DACH2: variants seen among roughly 807,000 people sequenced by gnomAD.
DACH2 encodes dachshund homolog 2.
In DACH2, 17 loss-of-function variants were observed where a neutral mutation model predicts 35.8. The ratio of observed to expected loss-of-function variants is 0.48; its 90% confidence interval spans 0.33 to 0.71. DACH2 has a LOEUF of 0.71. Ranked by LOEUF, DACH2 falls within the 30% of genes least tolerant of loss-of-function variation. DACH2 has a pLI of 0.02. For missense variants in DACH2, 469 were observed against 472.7 expected (o/e 0.99, Z 0.07); for synonymous variants, 195 against 177.3 (o/e 1.10, Z -0.79).
At chrX:86,247,980 A>G (rs149302284) in intron 1 of DACH2, among the ~76,000 whole-genome samples, 1,473 of 111,138 alleles carry the variant, frequency 0.013, 29 homozygotes, top group African/African-American at 0.044. Context: ...GGTTTTCAAT[A>G]AAGTTCAATA....
At position 86,799,612 on chromosome X, in the gene DACH2, A is replaced by T. The variant is rs751225276; in HGVS notation, c.1241-13244A>T. On this transcript the variant is annotated intron_variant, in intron 7 of 11. Transcript: ENST00000373125. ...AGACTTCAGGCTCAAACTACTTTAG[A>T]GCTAATCTGAGAGAGTTCACTTACA... Among the ~76,000 whole-genome samples, 107 of 112,158 alleles carry T rather than the reference A, an allele frequency of 9.5e-4. 2 individuals are homozygous for T. Among genetic ancestry groups the T allele is most frequent in the South Asian group, 1.8e-3 (5 of 2,710 alleles).
intron 1 of DACH2, among the ~76,000 whole-genome samples, chrX:86,183,345 C>T (rs898395391): frequency 3.6e-5 from 4 of 111,228 alleles, no homozygotes; most frequent in African/African-American, 1.3e-4. Context: ...TTTTGAGATA[C>T]GTTGTGAATA....
intron 7 of DACH2, among the ~76,000 whole-genome samples, chrX:86,776,541 T>C (rs1263539363): frequency 8.9e-6 from 1 of 111,993 alleles, no homozygotes; most frequent in East Asian, 2.8e-4. Flanking sequence ...TTTTAGACTT[T>C]AAGAGTTTAC....
chrX:86,260,848 T>A (rs916100481), intron 1 of DACH2, among the ~76,000 whole-genome samples: 5 of 111,344 alleles, frequency 4.5e-5, no homozygotes, highest in Admixed American at 9.6e-5. Flanking sequence ...TTCTTTCACA[T>A]CATGGTGTCT....
chrX:86,359,145 A>G (rs960284286), intron 1 of DACH2, among the ~76,000 whole-genome samples: 1 of 108,740 alleles, frequency 9.2e-6, no homozygotes, highest in Non-Finnish European at 1.9e-5. Flanking sequence ...TTAATTAAAG[A>G]GTGCCTTTAA....
intron 4 of DACH2, among the ~76,000 whole-genome samples, chrX:86,673,662 G>T (rs1347348944): frequency 1.8e-5 from 2 of 111,246 alleles, no homozygotes; most frequent in Admixed American, 1.9e-4. Context: ...GTATTTTGTA[G>T]TGTGAGGACA....
chrX:86,739,846 T>C lies in DACH2; in HGVS notation c.1204T>C (p.Ser402Pro), dbSNP rs201511227. 8.3e-7 allele frequency: 1 copy of C among 1,203,749 alleles called. No individual in the cohort carries two copies. The highest frequency in any genetic ancestry group is 2.2e-5 in the Admixed American group (1 of 45,089). ...SSHTSSSVSS[S>P]PSQMDHHLER... ...CCACACCAGCAGCAGTGTGTCCAGC[T>C]CTCCCTCTCAGATGGATCATCATTT... The change falls in exon 7 of 12, where the codon TCT (serine) becomes CCT (proline). Residue 402 changes from serine to proline, a missense_variant. Coordinates refer to ENST00000373125, the MANE Select transcript of DACH2 (RefSeq NM_053281.3).
chrX:86,821,594 G>T (rs60423896), intron 11 of DACH2, among the ~76,000 whole-genome samples: 5,098 of 111,099 alleles, frequency 0.046, 320 homozygotes, highest in African/African-American at 0.16. Flanking sequence ...GTACCTCTCT[G>T]CTGTGAAATA....
intron 4 of DACH2, among the ~76,000 whole-genome samples, chrX:86,656,857 G>GTGTATATATA (rs1333268452): frequency 8.5e-4 from 57 of 66,741 alleles, no homozygotes; most frequent in African/African-American, 3.6e-3. Flanking sequence ...GTGTGTGTGT[G>GTGTATATATA]TATATATATA....
At chrX:86,450,055 A>G (rs1338427227) in intron 2 of DACH2, among the ~76,000 whole-genome samples, 1 of 110,975 alleles carries the variant, frequency 9.0e-6, no homozygotes, top group African/African-American at 3.3e-5. Context: ...TCTACCTTTT[A>G]TGTCTTTTTT....
chrX:86,781,302 T>C (rs1374876315), intron 7 of DACH2, among the ~76,000 whole-genome samples: 1 of 111,576 alleles, frequency 9.0e-6, no homozygotes, highest in East Asian at 2.8e-4. Flanking sequence ...ATAGAATCCT[T>C]TAGTTCATCA....
rs752773363 is a variant in DACH2 at position 86,629,040 on chromosome X, T to C, written c.641-21996T>C. Among the ~76,000 whole-genome samples the C allele has an allele frequency of 5.3e-5, 6 of 112,263 alleles. No homozygotes were observed. The East Asian group carries it at 1.1e-3, about 21-fold the overall frequency. ...GTTAATTTCCCATTTATTCTACTTA[T>C]AGAGAGAAATTTATTGTACTGTATT... is the stretch of plus-strand genomic sequence containing the variant. On this transcript the variant is annotated intron_variant, in intron 3 of 11. Coordinates refer to ENST00000373125, the MANE Select transcript of DACH2 (RefSeq NM_053281.3).
At chrX:86,639,231 G>T (rs994600757) in intron 3 of DACH2, among the ~76,000 whole-genome samples, 2 of 110,976 alleles carry the variant, frequency 1.8e-5, no homozygotes, top group African/African-American at 3.3e-5. Context: ...AAGCAAGACC[G>T]GAAAACAGCC....
intron 7 of DACH2, among the ~76,000 whole-genome samples, chrX:86,789,125 A>ATTG (rs2042164938): frequency 8.9e-6 from 1 of 112,241 alleles, no homozygotes; most frequent in Admixed American, 9.5e-5. Context: ...TGTAACTATG[A>ATTG]TTACTGATTC....
chrX:86,767,218 T>C (rs1019722658), intron 7 of DACH2, among the ~76,000 whole-genome samples: 2 of 112,022 alleles, frequency 1.8e-5, no homozygotes, highest in African/African-American at 6.5e-5. Context: ...TTTTGTGCTT[T>C]ATCTATTCAT....
chrX:86,294,068 A>G (rs1355855176), intron 1 of DACH2, among the ~76,000 whole-genome samples: 2 of 111,515 alleles, frequency 1.8e-5, no homozygotes, highest in Non-Finnish European at 3.8e-5. Context: ...CACCAATCAG[A>G]TGTAGATTTG....
chrX:86,433,237 G>T (rs2037013420), intron 2 of DACH2, among the ~76,000 whole-genome samples: 1 of 111,904 alleles, frequency 8.9e-6, no homozygotes, highest in African/African-American at 3.2e-5. Flanking sequence ...ATAAAATTGG[G>T]AGAAGAAATA....
intron 3 of DACH2, among the ~76,000 whole-genome samples, chrX:86,541,475 G>T (rs2038880182): frequency 9.0e-6 from 1 of 110,678 alleles, no homozygotes; most frequent in African/African-American, 3.3e-5. Flanking sequence ...AGTTATTATA[G>T]AGGGCAGACT....
chrX:86,554,494 C>A (rs749569720), intron 3 of DACH2, among the ~76,000 whole-genome samples: 30 of 111,514 alleles, frequency 2.7e-4, no homozygotes, highest in Non-Finnish European at 4.5e-4. Context: ...AGTAATATGT[C>A]TTTTATGAAA....
Sources: allele counts gnomAD v4.1 joint callset (sites outside exome capture counted in the v4.1 genomes callset), GRCh38; gene constraint gnomAD v4.1.1; transcripts MANE v1.5; gene names NCBI Gene and HGNC (gene_info 2026-07-23, HGNC 2026-07-21).